The following ERBB4 variants were observed in gnomAD, a reference collection of about 807,000 sequenced individuals.
ERBB4 encodes receptor tyrosine-protein kinase erbB-4.
ERBB4 carries 42 observed loss-of-function variants against 158.0 expected under a neutral mutation model. That is an observed-to-expected ratio of 0.27 (90% CI 0.21 to 0.34). The LOEUF is 0.34. Among genes scored for constraint, ERBB4 ranks in the 10% least tolerant of loss-of-function variants. The pLI is 1.00. For missense variants in ERBB4, 1,333 were observed against 1,624.1 expected, an observed-to-expected ratio of 0.82 and a Z score of 3.08; for synonymous variants, 583 against 558.7, an observed-to-expected ratio of 1.04 and a Z score of -0.61.
At chr2:211,537,256 T>A (rs2066681214) in intron 20 of ERBB4, among the ~76,000 whole-genome samples, 1 of 151,988 alleles carries the variant, frequency 6.6e-6, no homozygotes, top group South Asian at 2.1e-4. Flanking sequence ...TACAATAGCT[T>A]ATAATGATGT....
chr2:211,524,242 G>A (rs1301488720), intron 20 of ERBB4, among the ~76,000 whole-genome samples: 1 of 152,186 alleles, frequency 6.6e-6, no homozygotes, highest in African/African-American at 2.4e-5. Context: ...GCTGATTGGT[G>A]TGTTTACAAT....
At chr2:212,283,845 TTA>T (rs774104312) in intron 1 of ERBB4, among the ~76,000 whole-genome samples, 1 of 152,050 alleles carries the variant, frequency 6.6e-6, no homozygotes, top group Non-Finnish European at 1.5e-5. Context: ...AAAATTAATA[TTA>T]TGTTTGTTCA....
intron 2 of ERBB4, among the ~76,000 whole-genome samples, chr2:212,004,030 A>T (rs1189083398): frequency 1.3e-5 from 2 of 152,242 alleles, no homozygotes; most frequent in Non-Finnish European, 2.9e-5. Context: ...TATTACTAGT[A>T]GTATAACTAC....
At position 212,336,017 on chromosome 2, in the gene ERBB4, G is replaced by A. The variant is rs541167950; in HGVS notation, c.82+202432C>T. Among the ~76,000 whole-genome samples the A allele has an allele frequency of 3.9e-5, 6 of 152,016 alleles. No homozygotes were observed. The South Asian group carries it at 1.0e-3, about 26-fold the overall frequency. On this transcript the variant is annotated intron_variant, in intron 1 of 27. Transcript: ENST00000342788. Reference sequence around the variant, plus strand: ...TAAATAAACATTTATTCAATGAAAGGGGAATAAAGTATGTAGCATTTCTCA... The same window carrying A: ...TAAATAAACATTTATTCAATGAAAGAGGAATAAAGTATGTAGCATTTCTCA...
chr2:212,200,868 C>T (rs2082569579), intron 1 of ERBB4, among the ~76,000 whole-genome samples: 2 of 152,164 alleles, frequency 1.3e-5, no homozygotes, highest in South Asian at 2.1e-4. Context: ...TTCCACATAC[C>T]TATAATTAGA....
At chr2:211,962,687 G>T (rs1346295820) in intron 2 of ERBB4, among the ~76,000 whole-genome samples, 2 of 152,142 alleles carry the variant, frequency 1.3e-5, no homozygotes, top group Non-Finnish European at 2.9e-5. Flanking sequence ...GATGCGGAAG[G>T]CAGTGAATAC....
chr2:212,084,827 A>C (rs1425018124), intron 2 of ERBB4, among the ~76,000 whole-genome samples: 1 of 151,970 alleles, frequency 6.6e-6, no homozygotes, highest in Non-Finnish European at 1.5e-5. Context: ...ATATACACAA[A>C]AACATTATTT....
At chr2:211,783,794 A>G (rs1289150635) in intron 4 of ERBB4, among the ~76,000 whole-genome samples, 1 of 152,174 alleles carries the variant, frequency 6.6e-6, no homozygotes, top group Non-Finnish European at 1.5e-5. Flanking sequence ...GGATTTTTGC[A>G]TCAATGTTCA....
At chr2:212,270,674 C>T (rs1310495995) in intron 1 of ERBB4, among the ~76,000 whole-genome samples, 1 of 151,690 alleles carries the variant, frequency 6.6e-6, no homozygotes, top group African/African-American at 2.4e-5. Flanking sequence ...ACTCTTGGAG[C>T]CCTAAACCAC....
chr2:211,384,872 T>TCA (rs1417649825), intron 27 of ERBB4, among the ~76,000 whole-genome samples: 1 of 152,118 alleles, frequency 6.6e-6, no homozygotes, highest in African/African-American at 2.4e-5. Context: ...AATAAATCCA[T>TCA]CTAGTATAGG....
At chr2:212,319,874 T>A (rs1407646229) in intron 1 of ERBB4, among the ~76,000 whole-genome samples, 5 of 150,216 alleles carry the variant, frequency 3.3e-5, no homozygotes, top group Admixed American at 3.3e-4. Flanking sequence ...GACTACATTA[T>A]CAAGATAACT....
intron 2 of ERBB4, among the ~76,000 whole-genome samples, chr2:212,047,360 AAT>A (rs2125387016): frequency 6.6e-6 from 1 of 152,318 alleles, no homozygotes; most frequent in East Asian, 1.9e-4. Flanking sequence ...TGAAACTACA[AAT>A]ATGTTTCACG....
At chr2:211,384,374 T>G (rs1184590749) in intron 27 of ERBB4, among the ~76,000 whole-genome samples, 1 of 152,210 alleles carries the variant, frequency 6.6e-6, no homozygotes, top group African/African-American at 2.4e-5. Flanking sequence ...GTTTTTGTTT[T>G]CTAAAAGTTA....
At chr2:211,757,165 T>A (rs778726819) in intron 4 of ERBB4, among the ~76,000 whole-genome samples, 3 of 152,212 alleles carry the variant, frequency 2.0e-5, no homozygotes, top group Non-Finnish European at 2.9e-5. Context: ...ATCTGTTTAT[T>A]TGTATTCACT....
intron 1 of ERBB4, among the ~76,000 whole-genome samples, chr2:212,235,026 T>C (rs908603826): frequency 1.3e-5 from 2 of 152,170 alleles, no homozygotes; most frequent in Non-Finnish European, 2.9e-5. Context: ...TGGTGTTTGT[T>C]GTTTTAGTCA....
rs139451868 is a variant in ERBB4, at chr2:211,617,805, C to CAT, written c.2301+1370_2301+1371dup. On this transcript the variant is annotated intron_variant, in intron 19 of 27. Transcript: ENST00000342788. Reference sequence around the variant, plus strand: ...TTCATCTTTTAAAAAAATCAGAGTGCATATGCTTGCATCATTTTTCATATG... The same window carrying CAT: ...TTCATCTTTTAAAAAAATCAGAGTGCATATATGCTTGCATCATTTTTCATATG... Among the ~76,000 whole-genome samples the CAT allele has an allele frequency of 3.5e-3, 528 of 152,122 alleles. 4 individuals are homozygous for CAT. Among genetic ancestry groups the CAT allele is most frequent in the South Asian group, 0.019 (90 of 4,828 alleles).
chr2:212,199,490 A>C (rs1364661060), intron 1 of ERBB4, among the ~76,000 whole-genome samples: 1 of 152,212 alleles, frequency 6.6e-6, no homozygotes, highest in Non-Finnish European at 1.5e-5. Flanking sequence ...ACAAACTTTG[A>C]AGTCTCCACA....
chr2:211,829,747 T>C (rs1235073844), intron 3 of ERBB4, among the ~76,000 whole-genome samples: 1 of 152,176 alleles, frequency 6.6e-6, no homozygotes, highest in Non-Finnish European at 1.5e-5. Flanking sequence ...CTATTGTCCT[T>C]CCTTCATTGC....
chr2:211,477,077 T>C (rs1409894628), intron 20 of ERBB4, among the ~76,000 whole-genome samples: 2 of 152,106 alleles, frequency 1.3e-5, no homozygotes, highest in Non-Finnish European at 2.9e-5. Context: ...TGGTAGACTT[T>C]AACTAAGCAG....
Sources: allele counts gnomAD v4.1 joint callset (sites outside exome capture counted in the v4.1 genomes callset), GRCh38; gene constraint gnomAD v4.1.1; transcripts MANE v1.5; gene names NCBI Gene and HGNC (gene_info 2026-07-23, HGNC 2026-07-21).